Variants in CELF2 observed in about 807,000 individuals in gnomAD.
CELF2 encodes CUG triplet repeat RNA-binding protein 2.
In CELF2, 8 loss-of-function variants were observed where a neutral mutation model predicts 62.6. That is an observed-to-expected ratio of 0.13 (90% CI 0.07 to 0.23). The LOEUF (loss-of-function observed/expected upper bound fraction) is 0.23. Ranked by LOEUF, CELF2 falls within the 10% of genes least tolerant of loss-of-function variation. The probability of loss-of-function intolerance (pLI) is 1.00; values close to 1 mark genes in which losing one functional copy is unlikely to be tolerated. For synonymous variants in CELF2, 258 were observed against 250.0 expected (o/e 1.03, Z -0.30); for missense variants, 333 against 671.0 (o/e 0.50, Z 5.56).
At chr10:10,568,344 G>A in the CELF2 span, among the ~76,000 whole-genome samples, 2 of 152,144 alleles carry the variant, frequency 1.3e-5, no homozygotes, top group Non-Finnish European at 2.9e-5. Flanking sequence ...AAAGGTCCCA[G>A]ATCAGGGATC....
At position 11,157,124 on chromosome 10, in the gene CELF2, T is replaced by C. The variant is rs2064630933; in HGVS notation, c.75-8362T>C. Among the ~76,000 whole-genome samples, 6 of 152,074 alleles carry C rather than the reference T, an allele frequency of 3.9e-5. No homozygotes were observed. The South Asian group carries it at 1.0e-3, about 26-fold the overall frequency. ...CAGGGGGTGGCATTTCAAGAGCAGGTTGGGGGATGAGGCTGTGTCCCCTGT... is the reference window on the plus strand; with the variant it reads ...CAGGGGGTGGCATTTCAAGAGCAGGCTGGGGGATGAGGCTGTGTCCCCTGT... On this transcript the variant is annotated intron_variant, in intron 1 of 12. Coordinates refer to ENST00000633077, the MANE Select transcript of CELF2 (RefSeq NM_001326342.2). The surrounding 1 kb of genome is among the most constrained non-coding windows in gnomAD (Gnocchi z 4.9).
chr10:10,767,222 TGCCAC>T, the CELF2 span, among the ~76,000 whole-genome samples: 1 of 130,052 alleles, frequency 7.7e-6, no homozygotes, highest in Admixed American at 7.3e-5. Flanking sequence ...CCACCACCAC[TGCCAC>T]CACCACCGAC....
the CELF2 span, among the ~76,000 whole-genome samples, chr10:10,586,433 T>C: frequency 1.3e-5 from 2 of 152,202 alleles, no homozygotes; most frequent in African/African-American, 4.8e-5. Flanking sequence ...TCTGTATGCA[T>C]TGATTTGAAA....
chr10:11,279,654 G>T (rs1337325286), intron 8 of CELF2, among the ~76,000 whole-genome samples: 2 of 152,158 alleles, frequency 1.3e-5, no homozygotes, highest in Non-Finnish European at 2.9e-5. Flanking sequence ...TTGATATGCA[G>T]ATTTATGGTA....
intron 2 of CELF2, among the ~76,000 whole-genome samples, chr10:11,210,933 AAAAC>A (rs1434491153): frequency 6.6e-6 from 1 of 152,260 alleles, no homozygotes; most frequent in Non-Finnish European, 1.5e-5. Context: ...GTGTCAATAA[AAAAC>A]AAAAATTAAA....
At chr10:11,047,835 T>C (rs2063140877) in intron 1 of CELF2, among the ~76,000 whole-genome samples, 1 of 152,208 alleles carries the variant, frequency 6.6e-6, no homozygotes, top group Non-Finnish European at 1.5e-5. Context: ...CAAAGTTTTA[T>C]TTGTCTAATT....
chr10:10,932,894 G>A (rs2066232206), intron 2 of CELF2, among the ~76,000 whole-genome samples: 2 of 152,064 alleles, frequency 1.3e-5, no homozygotes, highest in African/African-American at 4.8e-5. Flanking sequence ...CAGCCAACTG[G>A]TTTCACCCAG....
At chr10:11,015,213 T>C (rs1593162748), upstream of CELF2, among the ~76,000 whole-genome samples, 1 of 152,346 alleles carries the variant, frequency 6.6e-6, no homozygotes, top group East Asian at 1.9e-4. This position sits in a 1 kb window ranked among gnomAD's most constrained non-coding sequence, Gnocchi z 4.8. Context: ...AGATTTTTTT[T>C]CTTCTTTCCA....
intron 7 of CELF2, among the ~76,000 whole-genome samples, chr10:11,272,938 A>G (rs1263845368): frequency 6.6e-6 from 1 of 152,178 alleles, no homozygotes; most frequent in African/African-American, 2.4e-5. Context: ...GAATATGAGG[A>G]GGAAGTTGCA....
chr10:11,022,801 A>G (rs771053005), intron 1 of CELF2, among the ~76,000 whole-genome samples: 4 of 152,208 alleles, frequency 2.6e-5, no homozygotes, highest in Non-Finnish European at 5.9e-5. Context: ...GGTAGCGATC[A>G]TTGTTGAGAC....
chr10:11,123,920 A>T (rs2058220796), intron 1 of CELF2, among the ~76,000 whole-genome samples: 1 of 152,116 alleles, frequency 6.6e-6, no homozygotes, highest in Admixed American at 6.6e-5. Flanking sequence ...CATACCCAAG[A>T]CTGGGTAATT....
At position 11,223,250 on chromosome 10, in the gene CELF2, G is replaced by A. The variant is rs1039785939; in HGVS notation, c.354+5743G>A. Among the ~76,000 whole-genome samples, 1 of 152,212 alleles carries A rather than the reference G, an allele frequency of 6.6e-6. No homozygotes were observed. Among genetic ancestry groups the A allele is most frequent in the African/African-American group, 2.4e-5 (1 of 41,448 alleles). ...CAGGCCTGAGCGGGGCACTGCCTGA[G>A]GAGCTTCCTGAGCCATGAGGAAACA... On this transcript the variant is annotated intron_variant, in intron 3 of 12. Coordinates refer to ENST00000633077, the MANE Select transcript of CELF2 (RefSeq NM_001326342.2). This position sits in a 1 kb window ranked among gnomAD's most constrained non-coding sequence, Gnocchi z 5.1.
At chr10:10,688,076 T>G in the CELF2 span, among the ~76,000 whole-genome samples, 1 of 152,212 alleles carries the variant, frequency 6.6e-6, no homozygotes, top group Non-Finnish European at 1.5e-5. Flanking sequence ...GGTTAAACAA[T>G]TCCCCGAGTT....
the CELF2 span, among the ~76,000 whole-genome samples, chr10:10,558,827 G>C: frequency 6.6e-6 from 1 of 152,052 alleles, no homozygotes; most frequent in Non-Finnish European, 1.5e-5. Flanking sequence ...TTGCCTAGAG[G>C]GGTTTATAGT....
At chr10:11,172,579 C>T (rs545437407) in intron 2 of CELF2, among the ~76,000 whole-genome samples, 3 of 152,290 alleles carry the variant, frequency 2.0e-5, no homozygotes, top group East Asian at 1.9e-4. Flanking sequence ...CTGTGCCCGT[C>T]GGTCACAGTG....
intron 1 of CELF2, among the ~76,000 whole-genome samples, chr10:10,876,376 CCTGCACTT>C (rs1376574140): frequency 1.3e-5 from 2 of 152,152 alleles, no homozygotes; most frequent in Non-Finnish European, 2.9e-5. Flanking sequence ...TTAAGTTTAA[CCTGCACTT>C]CTGTGCTAAA....
chr10:10,841,788 T>G (rs941664406), intron 1 of CELF2, among the ~76,000 whole-genome samples: 1 of 152,128 alleles, frequency 6.6e-6, no homozygotes, highest in African/African-American at 2.4e-5. Context: ...TAGAATCAGT[T>G]TGCTGATATC....
chr10:10,924,933 T>C (rs2065319116), intron 2 of CELF2: 1 of 152,150 alleles, frequency 6.6e-6, no homozygotes, highest in Admixed American at 6.5e-5. Context: ...ATTCTGGTCT[T>C]AAGTCATAGA....
the CELF2 span, among the ~76,000 whole-genome samples, chr10:10,782,083 G>A: frequency 9.2e-5 from 14 of 152,222 alleles, no homozygotes; most frequent in African/African-American, 1.7e-4. Context: ...GCCATTTTAC[G>A]GAAGGAATTT....
Sources: gnomAD v4.1 joint callset for allele counts (sites outside exome capture counted in the v4.1 genomes callset) on GRCh38, gnomAD v4.1.1 for gene constraint, Gnocchi (gnomAD v3.1) non-coding constraint, MANE v1.5 for transcripts, NCBI Gene and HGNC (gene_info 2026-07-23, HGNC 2026-07-21) for gene names.